The following PCDHGA8 variants were observed in gnomAD, a reference collection of about 807,000 sequenced individuals.
The protein encoded by PCDHGA8 is protocadherin gamma subfamily A, 8, also known as protocadherin gamma-A8.
PCDHGA8 carries 45 observed loss-of-function variants against 59.2 expected under a neutral mutation model. The observed-to-expected ratio is 0.76, with a 90% CI of 0.60 to 0.98. The LOEUF is 0.98. Ranked by LOEUF, PCDHGA8 falls within the 50% of genes least tolerant of loss-of-function variation. PCDHGA8 has a pLI of 0.00. For synonymous variants in PCDHGA8, 531 were observed against 519.0 expected, an observed-to-expected ratio of 1.02 and a Z score of -0.32; for missense variants, 1,257 against 1,196.2, an observed-to-expected ratio of 1.05 and a Z score of -0.75.
chr5:141,492,579 G>T (rs547852117), intron 1 of PCDHGA8, among the ~76,000 whole-genome samples: 2 of 152,356 alleles, frequency 1.3e-5, no homozygotes, highest in East Asian at 1.9e-4. Context: ...GAGGCGCGGG[G>T]CCAGGAGCGC....
intron 1 of PCDHGA8, among the ~76,000 whole-genome samples, chr5:141,482,760 C>CAGCTGTG (rs1363796107): frequency 2.1e-5 from 3 of 141,084 alleles, no homozygotes; most frequent in African/African-American, 5.7e-5. Flanking sequence ...TATGGTATTT[C>CAGCTGTG]ATTATCACTG....
At chr5:141,499,022 AAGG>A (rs2099788758) in intron 2 of PCDHGA8, among the ~76,000 whole-genome samples, 3 of 150,722 alleles carry the variant, frequency 2.0e-5, no homozygotes, top group Non-Finnish European at 3.0e-5. Context: ...GGAAGGAAGG[AAGG>A]AAGAAAAGAA....
intron 1 of PCDHGA8, among the ~76,000 whole-genome samples, chr5:141,492,869 A>G (rs975868829): frequency 6.6e-6 from 1 of 152,010 alleles, no homozygotes; most frequent in African/African-American, 2.4e-5. Context: ...CTGGCTCTCA[A>G]CCCCCAGAGA....
chr5:141,501,290 T>TACACATAC (rs1224133816), intron 2 of PCDHGA8, among the ~76,000 whole-genome samples: 1,510 of 136,196 alleles, frequency 0.011, 8 homozygotes, highest in Admixed American at 0.014. Flanking sequence ...TATTCCCTTA[T>TACACATAC]ACACACACAC....
At position 141,509,122 on chromosome 5, in the gene PCDHGA8, G is replaced by A. The variant is rs2099875312; in HGVS notation, c.2573-1825G>A. 2.0e-5 allele frequency among the ~76,000 whole-genome samples: 3 copies of A among 152,154 alleles called. No homozygotes were observed. In the South Asian group the frequency reaches 6.2e-4, roughly 32 times the overall value. The stretch of plus-strand genomic sequence containing the variant: ...AGAAACCTGAGCGCTGGTGCGTGAA[G>A]AGAAAAACCGAGGCGCATCCCGGCT... On this transcript the variant is annotated intron_variant, in intron 3 of 3. Transcript: ENST00000398604.
At chr5:141,443,615 C>T (rs1430581477) in intron 1 of PCDHGA8, among the ~76,000 whole-genome samples, 3 of 152,198 alleles carry the variant, frequency 2.0e-5, no homozygotes, top group Non-Finnish European at 4.4e-5. Flanking sequence ...TTCTTATAAT[C>T]AGGTGATTGT....
In PCDHGA8 at chr5:141,434,333, G is replaced by A. The variant is rs200059384; in HGVS notation, c.2424+39096G>A. On this transcript the variant is annotated intron_variant, in intron 1 of 3. Coordinates refer to ENST00000398604, the MANE Select transcript of PCDHGA8 (RefSeq NM_032088.2). The stretch of plus-strand genomic sequence containing the variant: ...TCTTCCTCTTGCTGCTTGTCTCTTT[G>A]TGTCGGGAACAGGCCCCCCAAAATC... Among the ~76,000 whole-genome samples, 23 of 152,220 alleles carry A rather than the reference G, an allele frequency of 1.5e-4. No individual in the cohort carries two copies. In the East Asian group the frequency reaches 4.3e-3, roughly 28 times the overall value.
chr5:141,405,744 C>T (rs2094711384), intron 1 of PCDHGA8, among the ~76,000 whole-genome samples: 1 of 152,192 alleles, frequency 6.6e-6, no homozygotes, highest in African/African-American at 2.4e-5. Flanking sequence ...TCCCAAAGCA[C>T]TGGGATTACA....
intron 1 of PCDHGA8, chr5:141,404,040 G>C (rs1373988780): frequency 6.2e-7 from 1 of 1,613,692 alleles, no homozygotes; most frequent in Non-Finnish European, 8.5e-7. Flanking sequence ...GCACCTCAGG[G>C]AACAGTAATT....
At chr5:141,464,009 T>C (rs1187492781) in intron 1 of PCDHGA8, among the ~76,000 whole-genome samples, 1 of 151,950 alleles carries the variant, frequency 6.6e-6, no homozygotes. Context: ...CTCATGCTTG[T>C]AATCCCACAC....
At chr5:141,498,980 GGAAGGAA>G in intron 2 of PCDHGA8, among the ~76,000 whole-genome samples, 1 of 44,970 alleles carries the variant, frequency 2.2e-5, no homozygotes, top group South Asian at 1.0e-3. Context: ...AGGGAAGGAA[GGAAGGAA>G]GGAAGGAAGG....
At chr5:141,447,370 C>A (rs2098536615) in intron 1 of PCDHGA8, among the ~76,000 whole-genome samples, 1 of 151,612 alleles carries the variant, frequency 6.6e-6, no homozygotes, top group African/African-American at 2.4e-5. Context: ...AACTCCTGAC[C>A]CTGGTGATCT....
chr5:141,393,085 ATCGGGAGGAGC>A lies in PCDHGA8; in HGVS notation c.275_285del (p.Arg92LeufsTer12), dbSNP rs2092673421. The A allele has an allele frequency of 6.2e-7, 1 of 1,613,542 alleles. No individual in the cohort carries two copies. Among genetic ancestry groups the A allele is most frequent in the African/African-American group, 1.3e-5 (1 of 74,930 alleles). Reference sequence around the variant, plus strand: ...AGCTTGATCACCGCGGGCAGGATAGATCGGGAGGAGCTCTGCGCTCAGAGCCCGCGGTGTCT... The same window carrying A: ...AGCTTGATCACCGCGGGCAGGATAGATCTGCGCTCAGAGCCCGCGGTGTCT... On this transcript the variant is annotated frameshift_variant, in exon 1 of 4. Transcript: ENST00000398604. LOFTEE classifies it high-confidence loss of function.
Position 141,458,657 on chromosome 5 carries a change from C to T in PCDHGA8, c.2425-36150C>T, listed in dbSNP as rs1214452360. On this transcript the variant is annotated intron_variant, in intron 1 of 3. Coordinates refer to ENST00000398604, the MANE Select transcript of PCDHGA8 (RefSeq NM_032088.2). ...CAATCCCAGCTCACTGCAACCTCCA[C>T]CTCTCGGGTTCAAGCAATTCTACTG... Among the ~76,000 whole-genome samples, 6 of 152,276 alleles carry T rather than the reference C, an allele frequency of 3.9e-5. No homozygotes were observed. In the East Asian group the frequency reaches 9.6e-4, roughly 24 times the overall value.
At chr5:141,445,538 G>A (rs1188324168) in intron 1 of PCDHGA8, among the ~76,000 whole-genome samples, 1 of 152,168 alleles carries the variant, frequency 6.6e-6, no homozygotes, top group African/African-American at 2.4e-5. Flanking sequence ...AGCCAACAAG[G>A]AGAAATACAA....
rs775416808 is a variant in PCDHGA8, at chr5:141,429,727, G to A, written c.2424+34490G>A. ...TAAATATTTACGCTCATGAAAGTAC[G>A]TAGCCAGTTATTTCTTAGGGAGAAT... On this transcript the variant is annotated intron_variant, in intron 1 of 3. Transcript: ENST00000398604. 7.2e-5 allele frequency among the ~76,000 whole-genome samples: 11 copies of A among 152,158 alleles called. 1 individual carries two copies. The highest frequency in any genetic ancestry group is 1.9e-4 in the East Asian group (1 of 5,188).
rs1452697214 is a variant in PCDHGA8 at position 141,476,552 on chromosome 5, G to T, written c.2425-18255G>T. ...CCAGGAAATGAAATTGGAGATTAGC[G>T]AGGCCGTGGCTCCGGGGACGCGCTT... On this transcript the variant is annotated intron_variant, in intron 1 of 3. Transcript: ENST00000398604. The surrounding 1 kb of genome is among the most constrained non-coding windows in gnomAD (Gnocchi z 7.6). 6.2e-7 allele frequency: 1 copy of T among 1,614,210 alleles called. No individual in the cohort carries two copies. The highest frequency in any genetic ancestry group is 2.2e-5 in the East Asian group (1 of 44,872).
Position 141,417,921 on chromosome 5 carries a change from T to G in PCDHGA8, c.2424+22684T>G, listed in dbSNP as rs771406905. 7.5e-6 allele frequency: 12 copies of G among 1,607,746 alleles called. No homozygotes were observed. The Admixed American group carries it at 1.7e-4, about 23-fold the overall frequency. On this transcript the variant is annotated intron_variant, in intron 1 of 3. Transcript: ENST00000398604. ...CCGCGGCAGGTACTATTTCCTTTGC[T>G]GCTGCCTTTGTTCTACCCCACGCTG...
rs1026854698 is a variant in PCDHGA8, at chr5:141,393,480, T to G, written c.667T>G (p.Ser223Ala). The change falls in exon 1 of 4, where the codon TCT (serine) becomes GCT (alanine). Residue 223 changes from serine (S) to alanine (A), a missense_variant. Physicochemically the swap from Ser to Ala is moderately conservative, Grantham distance 99. Coordinates refer to ENST00000398604, the MANE Select transcript of PCDHGA8 (RefSeq NM_032088.2). Reference protein sequence around the residue: ...TASDGGKPPRSSTVRIHVTVL... With the variant: ...TASDGGKPPRASTVRIHVTVL... ...CTCGGATGGCGGCAAGCCGCCTCGC[T>G]CTAGCACAGTGCGCATCCACGTGAC... The G allele has an allele frequency of 5.0e-6, 8 of 1,613,942 alleles. No individual in the cohort carries two copies. Among genetic ancestry groups the G allele is most frequent in the Non-Finnish European group, 6.8e-6 (8 of 1,179,912 alleles).
Sources: allele counts gnomAD v4.1 joint callset (sites outside exome capture counted in the v4.1 genomes callset), GRCh38; gene constraint gnomAD v4.1.1; non-coding constraint Gnocchi (gnomAD v3.1); transcripts MANE v1.5; gene names NCBI Gene and HGNC (gene_info 2026-07-23, HGNC 2026-07-21).